COL14A1: variants seen among roughly 807,000 people sequenced by gnomAD.
COL14A1 encodes collagen type XIV alpha 1 chain, also known as collagen alpha-1(XIV) chain.
COL14A1 carries 136 observed loss-of-function variants against 230.3 expected under a neutral mutation model. The observed-to-expected ratio is 0.59, with a 90% CI of 0.51 to 0.68. COL14A1 has a LOEUF of 0.68. Among genes scored for constraint, COL14A1 ranks in the 30% least tolerant of loss-of-function variants. The pLI, the probability that COL14A1 is intolerant of heterozygous loss-of-function variation, is 0.00. For missense variants in COL14A1, 1,976 were observed against 2,215.8 expected, an observed-to-expected ratio of 0.89 and a Z score of 2.17; for synonymous variants, 792 against 784.1, an observed-to-expected ratio of 1.01 and a Z score of -0.17.
intron 26 of COL14A1, among the ~76,000 whole-genome samples, chr8:120,272,113 A>G (rs1819685760): frequency 6.6e-6 from 1 of 151,754 alleles, no homozygotes; most frequent in Non-Finnish European, 1.5e-5. Context: ...GAAACCTTAC[A>G]AGACAGGAGA....
chr8:120,330,088 T>G (rs1821814185), intron 40 of COL14A1, among the ~76,000 whole-genome samples: 1 of 152,170 alleles, frequency 6.6e-6, no homozygotes, highest in Non-Finnish European at 1.5e-5. Flanking sequence ...ACTAGCCCCT[T>G]GAAACTAGCC....
chr8:120,152,301 A>C (rs941118849), intron 2 of COL14A1, among the ~76,000 whole-genome samples: 2 of 151,860 alleles, frequency 1.3e-5, no homozygotes, highest in Non-Finnish European at 2.9e-5. Context: ...CTCTACTAAA[A>C]ATACAAAAAA....
Position 120,309,993 on chromosome 8 carries a change from A to G in COL14A1, c.4402-16A>G, listed in dbSNP as rs778096227. 1 of 1,613,516 alleles carries G rather than the reference A, an allele frequency of 6.2e-7. No individual in the cohort carries two copies. Among genetic ancestry groups the G allele is most frequent in the Non-Finnish European group, 8.5e-7 (1 of 1,179,522 alleles). On this transcript the variant is annotated splice_polypyrimidine_tract_variant and intron_variant, in intron 36 of 47. Coordinates refer to ENST00000297848, the MANE Select transcript of COL14A1 (RefSeq NM_021110.4). ...GAGATTTGTCTTTGAGCTAATACTT[A>G]ACATCTGTTTGCCAGGGTGGTCCAG...
chr8:120,126,536 G>T lies in COL14A1; in HGVS notation c.-38+1196G>T, dbSNP rs571525466. On this transcript the variant is annotated intron_variant, in intron 1 of 47. Coordinates refer to ENST00000297848, the MANE Select transcript of COL14A1 (RefSeq NM_021110.4). ...GGGCAGGAACAAGAGAAAGATGGGAGTAAGTCTTTGGTGGCTGTGGAGAGG... is the reference window on the plus strand; with the variant it reads ...GGGCAGGAACAAGAGAAAGATGGGATTAAGTCTTTGGTGGCTGTGGAGAGG... 5.4e-3 allele frequency among the ~76,000 whole-genome samples: 827 copies of T among 152,350 alleles called. 2 individuals carry two copies. Among genetic ancestry groups the T allele is most frequent in the Non-Finnish European group, 8.9e-3 (605 of 68,034 alleles).
intron 33 of COL14A1, among the ~76,000 whole-genome samples, chr8:120,288,620 A>G (rs1422687005): frequency 6.6e-6 from 1 of 152,134 alleles, no homozygotes; most frequent in Non-Finnish European, 1.5e-5. Context: ...ACAGATTTGT[A>G]ACTTCTTTTG....
Position 120,280,081 on chromosome 8 carries a change from T to TG in COL14A1, c.3629dup (p.Cys1210TrpfsTer17). The TG allele has an allele frequency of 1.2e-6, 2 of 1,613,784 alleles. No individual in the cohort carries two copies. The highest frequency in any genetic ancestry group is 1.7e-6 in the Non-Finnish European group (2 of 1,179,768). ...CGAAGATGAGTTAATTACTTTTGTC[T>TG]GCGAAACAGCATCAGCAAGTTAGTT... is the stretch of plus-strand genomic sequence containing the variant. On this transcript the variant is annotated frameshift_variant, in exon 29 of 48. Transcript: ENST00000297848. LOFTEE classifies it high-confidence loss of function.
At chr8:120,189,583 A>G (rs1424009405) in intron 5 of COL14A1, among the ~76,000 whole-genome samples, 1 of 150,514 alleles carries the variant, frequency 6.6e-6, no homozygotes, top group Non-Finnish European at 1.5e-5. Context: ...TGCTGCACCC[A>G]TTAACTTGTC....
chr8:120,155,949 T>C (rs939311110), intron 2 of COL14A1, among the ~76,000 whole-genome samples: 4 of 152,130 alleles, frequency 2.6e-5, no homozygotes, highest in East Asian at 1.9e-4. Context: ...ATGTAAACTC[T>C]TTCTTCCATT....
At chr8:120,189,982 T>C (rs370664142) in intron 5 of COL14A1, among the ~76,000 whole-genome samples, 19 of 151,082 alleles carry the variant, frequency 1.3e-4, no homozygotes, top group South Asian at 2.1e-4. Context: ...TGATTTATAG[T>C]CCTTTGGGTA....
intron 26 of COL14A1, among the ~76,000 whole-genome samples, chr8:120,276,207 A>T (rs189183628): frequency 6.6e-5 from 10 of 150,842 alleles, no homozygotes; most frequent in Non-Finnish European, 1.3e-4. Context: ...AAAGTAATGT[A>T]CTTTGCAGCA....
chr8:120,266,765 C>A, intron 24 of COL14A1, 62 bp from the exon 25 acceptor site: 1 of 1,341,338 alleles, frequency 7.5e-7, no homozygotes, highest in Non-Finnish European at 1.1e-6. Context: ...TACTCCATGA[C>A]CTTCCGCTCT....
Position 120,223,043 on chromosome 8 carries a change from GGTCACA to G in COL14A1, c.1738-2043_1738-2038del, listed in dbSNP as rs113655782. ...AATTTCGACAAGAGCTGGGGAATAG[GGTCACA>G]GACAGAGTGAACTGCATGTGCTAAG... On this transcript the variant is annotated intron_variant, in intron 14 of 47. Transcript: ENST00000297848. Among the ~76,000 whole-genome samples the G allele has an allele frequency of 1.7e-3, 255 of 152,240 alleles. 4 individuals are homozygous for G. Among genetic ancestry groups the G allele is most frequent in the African/African-American group, 5.9e-3 (245 of 41,544 alleles).
intron 34 of COL14A1, among the ~76,000 whole-genome samples, chr8:120,295,182 A>G (rs1489369187): frequency 6.6e-6 from 1 of 151,904 alleles, no homozygotes; most frequent in East Asian, 1.9e-4. Context: ...AGCTGAATCT[A>G]TCCAATGCTG....
At chr8:120,213,857 T>G (rs965747184) in intron 13 of COL14A1, 4 of 346,772 alleles carry the variant, frequency 1.2e-5, no homozygotes, top group African/African-American at 8.9e-5. Context: ...TGTAATAGAA[T>G]TCCAGAAAAA....
chr8:120,249,214 G>T (rs569779358), intron 21 of COL14A1, among the ~76,000 whole-genome samples: 1 of 151,446 alleles, frequency 6.6e-6, no homozygotes, highest in African/African-American at 2.4e-5. Context: ...CACCGCGCCC[G>T]GCCTAGTTTC....
chr8:120,225,950 G>A (rs180884433), intron 15 of COL14A1, among the ~76,000 whole-genome samples: 1 of 151,192 alleles, frequency 6.6e-6, no homozygotes, highest in Admixed American at 6.6e-5. Flanking sequence ...GCTAATTCTA[G>A]TTGGGATTCT....
At chr8:120,319,800 C>T (rs1821373368) in intron 40 of COL14A1, among the ~76,000 whole-genome samples, 1 of 152,238 alleles carries the variant, frequency 6.6e-6, no homozygotes, top group South Asian at 2.1e-4. Context: ...GTTGCAGCCT[C>T]TTGCTAGGCA....
chr8:120,304,492 A>T (rs1820802414), intron 36 of COL14A1, among the ~76,000 whole-genome samples: 1 of 151,994 alleles, frequency 6.6e-6, no homozygotes, highest in African/African-American at 2.4e-5. Flanking sequence ...CTTAATTTTA[A>T]TTTTTTATAT....
intron 45 of COL14A1, among the ~76,000 whole-genome samples, chr8:120,357,675 T>C (rs2130351798): frequency 6.6e-6 from 1 of 152,132 alleles, no homozygotes; most frequent in Non-Finnish European, 1.5e-5. Context: ...GATGCTCTCA[T>C]CCACGAAATG....
Sources: gnomAD v4.1 joint callset for allele counts (sites outside exome capture counted in the v4.1 genomes callset) on GRCh38, gnomAD v4.1.1 for gene constraint, MANE v1.5 for transcripts, NCBI Gene and HGNC (gene_info 2026-07-23, HGNC 2026-07-21) for gene names.